The following DPP4 variants were observed in gnomAD, a reference collection of about 807,000 sequenced individuals.
DPP4 encodes the protein ADCP-2.
DPP4 carries 93 observed loss-of-function variants against 122.4 expected under a neutral mutation model. That is an observed-to-expected ratio of 0.76 (90% CI 0.64 to 0.90). The LOEUF is 0.90. Ranked by LOEUF, DPP4 falls within the 40% of genes least tolerant of loss-of-function variation. DPP4 has a pLI of 0.00. For synonymous variants in DPP4, 321 were observed against 302.9 expected (o/e 1.06, Z -0.62); for missense variants, 914 against 907.3 (o/e 1.01, Z -0.09).
At chr2:162,057,463 A>G (rs1042848913) in intron 2 of DPP4, among the ~76,000 whole-genome samples, 3 of 152,234 alleles carry the variant, frequency 2.0e-5, no homozygotes, top group African/African-American at 7.2e-5. Flanking sequence ...GAGAAAATAG[A>G]GAAAAAATTG....
intron 10 of DPP4, among the ~76,000 whole-genome samples, chr2:162,029,146 G>T (rs1683452463): frequency 6.6e-6 from 1 of 152,210 alleles, no homozygotes; most frequent in Admixed American, 6.5e-5. Flanking sequence ...GAATCCCCTT[G>T]TAAAGTGACC....
rs1576052517 is a variant in DPP4, at chr2:162,032,686, C to A, written c.887+855G>T. Among the ~76,000 whole-genome samples the A allele has an allele frequency of 4.1e-5, 6 of 145,132 alleles. No individual in the cohort carries two copies. In the South Asian group the frequency reaches 8.7e-4, roughly 21 times the overall value. On this transcript the variant is annotated intron_variant, in intron 10 of 25. Coordinates refer to ENST00000360534, the MANE Select transcript of DPP4 (RefSeq NM_001935.4). ...AGAGCAAGACTCTGTCTCAAAAAAA[C>A]AAACAAACAACAACAACAACAACAA...
intron 22 of DPP4, 149 bp downstream of exon 22, chr2:162,008,413 T>C: frequency 1.6e-6 from 1 of 627,798 alleles, no homozygotes; most frequent in Non-Finnish European, 2.8e-6. Context: ...AATGAGATCA[T>C]CTTATTATAG....
intron 9 of DPP4, 59 bp downstream of exon 9, chr2:162,035,105 A>G: frequency 6.6e-7 from 1 of 1,522,022 alleles, no homozygotes; most frequent in Admixed American, 2.0e-5. Context: ...GAAGGGATTA[A>G]ATGAAACCAT....
intron 23 of DPP4, among the ~76,000 whole-genome samples, chr2:162,001,070 C>T (rs534439598): frequency 5.9e-4 from 90 of 152,294 alleles, no homozygotes; most frequent in African/African-American, 2.1e-3. Flanking sequence ...CTCGTCCTCC[C>T]CATCTTCCGA....
intron 21 of DPP4, 42 bp from the exon 22 acceptor site, chr2:162,008,703 A>C: frequency 6.5e-7 from 1 of 1,538,386 alleles, no homozygotes; most frequent in Non-Finnish European, 9.0e-7. Context: ...GTAAAAGAAT[A>C]AGGACATATG....
At position 161,993,055 on chromosome 2, in the gene DPP4, A is replaced by G; in HGVS notation, c.*228T>C. 2.4e-6 allele frequency: 1 copy of G among 413,886 alleles called. No homozygotes were observed. Among genetic ancestry groups the G allele is most frequent in the Non-Finnish European group, 4.4e-6 (1 of 227,678 alleles). 25.6% of individuals were successfully genotyped at this position (413,886 alleles called of 1,614,324 possible). A position where few individuals can be genotyped will look rare whatever the true frequency, so the allele number is the denominator to read the frequency against. On this transcript the variant is annotated 3_prime_UTR_variant, in exon 26 of 26. Coordinates refer to ENST00000360534, the MANE Select transcript of DPP4 (RefSeq NM_001935.4). Reference sequence around the variant, plus strand: ...GCTGATGCAGAAATGATTTTAAACAATAAAACCCGACCGGATAATTCAAAC... The same window carrying G: ...GCTGATGCAGAAATGATTTTAAACAGTAAAACCCGACCGGATAATTCAAAC...
rs199655514 is a variant in DPP4, at chr2:162,016,820, C to G, written c.1515G>C (p.Gln505His). Residue 505 changes from glutamine to histidine, a missense_variant, in exon 18 of 26, where the codon CAG (glutamine) becomes CAC (histidine). Coordinates refer to ENST00000360534, the MANE Select transcript of DPP4 (RefSeq NM_001935.4). ...EDNSALDKML[Q>H]NVQMPSKKLD... ...GTTTTTTGGAGGGCATCTGGACATT[C>G]TGCAGCATTTTATCCAAAGCTGAAT... 17 of 1,613,182 alleles carry G rather than the reference C, an allele frequency of 1.1e-5. No homozygotes were observed. Among genetic ancestry groups the G allele is most frequent in the Non-Finnish European group, 1.3e-5 (15 of 1,179,814 alleles).
At chr2:161,994,882 T>C in intron 25 of DPP4, 79 bp downstream of exon 25, 1 of 1,369,736 alleles carries the variant, frequency 7.3e-7, no homozygotes, top group Non-Finnish European at 1.0e-6. Flanking sequence ...TCTGTGGCAC[T>C]GCTAAAAGAA....
chr2:162,066,058 T>C (rs1048966955), intron 2 of DPP4, among the ~76,000 whole-genome samples: 1 of 151,980 alleles, frequency 6.6e-6, no homozygotes, highest in African/African-American at 2.4e-5. Context: ...GCTGATCCAA[T>C]AGGAAAGGGG....
intron 4 of DPP4, 98 bp from the exon 5 acceptor site, chr2:162,045,710 T>C: frequency 3.5e-6 from 3 of 863,580 alleles, no homozygotes; most frequent in Non-Finnish European, 5.6e-6. Flanking sequence ...GACATGTGGC[T>C]TGTGCTTTGG....
At chr2:162,013,433 T>C (rs1483141035) in intron 19 of DPP4, among the ~76,000 whole-genome samples, 1 of 152,164 alleles carries the variant, frequency 6.6e-6, no homozygotes, top group Non-Finnish European at 1.5e-5. Flanking sequence ...TTCCTTTCTT[T>C]GTGCTTTTAT....
At chr2:162,046,071 T>TA (rs1321727319) in intron 4 of DPP4, among the ~76,000 whole-genome samples, 13 of 152,192 alleles carry the variant, frequency 8.5e-5, no homozygotes, top group Non-Finnish European at 1.3e-4. Context: ...ATCTATTTTT[T>TA]TGCATGTGGA....
At chr2:162,024,773 C>T in intron 11 of DPP4, 31 bp downstream of exon 11, 1 of 1,608,654 alleles carries the variant, frequency 6.2e-7, no homozygotes, top group Non-Finnish European at 8.5e-7. Context: ...ACATGTTGCT[C>T]TAGAAGCAGA....
At chr2:162,017,653 G>A (rs1371127615) in intron 16 of DPP4, 3 of 153,486 alleles carry the variant, frequency 2.0e-5, no homozygotes, top group Non-Finnish European at 4.3e-5. Context: ...GCCTGACTTG[G>A]ATAAGCGATT....
chr2:162,067,414 A>C (rs1030955224), intron 2 of DPP4, among the ~76,000 whole-genome samples: 5 of 152,118 alleles, frequency 3.3e-5, no homozygotes, highest in Admixed American at 6.5e-5. Context: ...TCAGTTATAC[A>C]TCCTGAGCCA....
At chr2:162,041,229 T>C (rs1683974569) in intron 5 of DPP4, among the ~76,000 whole-genome samples, 1 of 152,144 alleles carries the variant, frequency 6.6e-6, no homozygotes, top group African/African-American at 2.4e-5. Flanking sequence ...TAGATGCATA[T>C]AAAAATTAAA....
Position 161,993,529 on chromosome 2 carries a change from C to T in DPP4, c.2200-145G>A, listed in dbSNP as rs762996005. 8.3e-5 allele frequency: 49 copies of T among 590,990 alleles called. No homozygotes were observed. In the East Asian group the frequency reaches 1.1e-3, roughly 14 times the overall value. 36.6% of individuals were successfully genotyped at this position (590,990 alleles called of 1,614,324 possible). ...TCCTGAGGCAGTTTATAAACTGAAA[C>T]GGGGTCAAAGAGGGGGTCTAATTTT... On this transcript the variant is annotated intron_variant, in intron 25 of 25. Coordinates refer to ENST00000360534, the MANE Select transcript of DPP4 (RefSeq NM_001935.4).
chr2:162,063,445 G>A (rs2106155434), intron 2 of DPP4, among the ~76,000 whole-genome samples: 1 of 152,208 alleles, frequency 6.6e-6, no homozygotes, highest in African/African-American at 2.4e-5. Flanking sequence ...AAGGTCTTAG[G>A]ATGGAGCCCC....
Sources: gnomAD v4.1 joint callset for allele counts (sites outside exome capture counted in the v4.1 genomes callset) on GRCh38, gnomAD v4.1.1 for gene constraint, MANE v1.5 for transcripts, NCBI Gene and HGNC (gene_info 2026-07-23, HGNC 2026-07-21) for gene names.